Variants in RSBN1 observed in about 807,000 individuals in gnomAD.
The protein encoded by RSBN1 is round spermatid basic protein 1, also known as lysine-specific demethylase 9.
RSBN1 carries 23 observed loss-of-function variants against 74.8 expected under a neutral mutation model. The observed-to-expected ratio is 0.31, with a 90% CI of 0.22 to 0.44. The LOEUF is 0.44. RSBN1 is among the 20% of genes least tolerant of loss of function. The probability of loss-of-function intolerance (pLI) is 1.00; values close to 1 mark genes in which losing one functional copy is unlikely to be tolerated. For missense variants in RSBN1, 808 were observed against 1,020.9 expected (o/e 0.79, Z 2.84); for synonymous variants, 407 against 379.6 (o/e 1.07, Z -0.84).
intron 1 of RSBN1, among the ~76,000 whole-genome samples, chr1:113,807,722 T>C (rs1571313380): frequency 6.6e-6 from 1 of 150,950 alleles, no homozygotes; most frequent in East Asian, 1.9e-4. Context: ...GATTGCACCA[T>C]TGCTCTCCAG....
intron 2 of RSBN1, among the ~76,000 whole-genome samples, chr1:113,786,001 C>A (rs925466469): frequency 1.3e-5 from 2 of 152,034 alleles, no homozygotes; most frequent in Non-Finnish European, 2.9e-5. Flanking sequence ...CTCAGAGGGG[C>A]ACAAAAAGTA....
chr1:113,801,156 T>C (rs1032342737), intron 1 of RSBN1, among the ~76,000 whole-genome samples: 5 of 152,032 alleles, frequency 3.3e-5, no homozygotes, highest in Admixed American at 2.0e-4. Context: ...TAATTTTTTG[T>C]ATTTTTAGTA....
rs959946940 is a variant in RSBN1 at position 113,764,354 on chromosome 1, CAT to C, written c.*1624_*1625del. ...TCTTCATCCTTTGTAACAGAGAATA[CAT>C]ACATATACATATATATAAGGAATAA... On this transcript the variant is annotated 3_prime_UTR_variant, in exon 7 of 7. Coordinates refer to ENST00000261441, the MANE Select transcript of RSBN1 (RefSeq NM_018364.5). 5.9e-5 allele frequency: 9 copies of C among 152,706 alleles called. No homozygotes were observed. Among genetic ancestry groups the C allele is most frequent in the African/African-American group, 9.7e-5 (4 of 41,416 alleles). 9.5% of individuals were successfully genotyped at this position (152,706 alleles called of 1,614,324 possible).
At chr1:113,783,467 AAG>A (rs1491317454) in intron 2 of RSBN1, among the ~76,000 whole-genome samples, 4 of 151,938 alleles carry the variant, frequency 2.6e-5, no homozygotes, top group Non-Finnish European at 5.9e-5. Context: ...GAAAAAAAAA[AAG>A]AGAGAAAAAA....
intron 2 of RSBN1, among the ~76,000 whole-genome samples, chr1:113,791,427 A>G (rs1349297136): frequency 6.6e-6 from 1 of 150,704 alleles, no homozygotes; most frequent in Non-Finnish European, 1.5e-5. Flanking sequence ...TAGAGCTTCT[A>G]CAAAGGACAA....
intron 1 of RSBN1, among the ~76,000 whole-genome samples, chr1:113,798,496 A>G (rs1660516279): frequency 6.6e-6 from 1 of 152,242 alleles, no homozygotes; most frequent in South Asian, 2.1e-4. Context: ...AGGTAAATCA[A>G]CAAAGGCAAA....
chr1:113,796,875 C>G (rs1660483088), intron 2 of RSBN1, among the ~76,000 whole-genome samples: 1 of 152,226 alleles, frequency 6.6e-6, no homozygotes, highest in Admixed American at 6.5e-5. Flanking sequence ...CTATGGCGGT[C>G]TTCCTAATGA....
intron 1 of RSBN1, among the ~76,000 whole-genome samples, chr1:113,808,873 G>A (rs1231014511): frequency 6.6e-6 from 1 of 152,048 alleles, no homozygotes; most frequent in Non-Finnish European, 1.5e-5. Flanking sequence ...TTGTAGTGGT[G>A]GTTACACTAA....
intron 2 of RSBN1, among the ~76,000 whole-genome samples, chr1:113,783,904 C>T (rs753029798): frequency 3.3e-5 from 5 of 152,136 alleles, no homozygotes; most frequent in Non-Finnish European, 7.4e-5. Flanking sequence ...GCACATTGGT[C>T]CTCATTGTTA....
chr1:113,802,614 G>A lies in RSBN1; in HGVS notation c.704-4578C>T, dbSNP rs539586912. On this transcript the variant is annotated intron_variant, in intron 1 of 6. Transcript: ENST00000261441. ...CTCTATATTATGGTGTTTTAAGAGC[G>A]CTGTCTAGGTTTAAATCCCTGTTCT... Among the ~76,000 whole-genome samples the A allele has an allele frequency of 9.9e-5, 15 of 152,012 alleles. No homozygotes were observed. The South Asian group carries it at 1.2e-3, about 13-fold the overall frequency.
chr1:113,775,149 C>T lies in RSBN1; in HGVS notation c.1658+2061G>A, dbSNP rs554179694. Among the ~76,000 whole-genome samples the T allele has an allele frequency of 3.3e-5, 5 of 151,822 alleles. No individual in the cohort carries two copies. In the East Asian group the frequency reaches 9.8e-4, roughly 30 times the overall value. ...AAGCAATTCTCCTGCCTCAGCCTCC[C>T]GAGTAGCTGGGATAACAGGCGGCTG... On this transcript the variant is annotated intron_variant, in intron 4 of 6. Transcript: ENST00000261441.
chr1:113,784,489 C>T (rs1049382023), intron 2 of RSBN1, among the ~76,000 whole-genome samples: 2 of 152,136 alleles, frequency 1.3e-5, no homozygotes, highest in Admixed American at 6.5e-5. Flanking sequence ...AATTTTTCCA[C>T]GGAAAAGGGC....
At position 113,812,244 on chromosome 1, in the gene RSBN1, G is replaced by T. The variant is rs752742729; in HGVS notation, c.169C>A (p.Arg57Ser). The T allele has an allele frequency of 1.0e-5, 16 of 1,606,062 alleles. No individual in the cohort carries two copies. In the East Asian group the frequency reaches 3.3e-4, roughly 34 times the overall value. Residue 57 changes from arginine (R) to serine (S), a missense_variant, in exon 1 of 7, where the codon CGC becomes AGC. Coordinates refer to ENST00000261441, the MANE Select transcript of RSBN1 (RefSeq NM_018364.5). ...TGCGCCGCCACCGCCCGTACTACGC[G>T]CACCGCTCCGACCTGCGCAGCCATT... The part of the protein sequence containing the change: ...GEMAAQVGAV[R>S]VVRAVAAQEE...
intron 1 of RSBN1, among the ~76,000 whole-genome samples, chr1:113,805,676 C>G (rs1226233026): frequency 6.6e-6 from 1 of 152,184 alleles, no homozygotes; most frequent in Non-Finnish European, 1.5e-5. Context: ...AACAAGTTTA[C>G]CCTAGCATTT....
chr1:113,777,336 C>T lies in RSBN1; in HGVS notation c.1532G>A (p.Gly511Asp), dbSNP rs1369118178. 1 of 1,609,270 alleles carries T rather than the reference C, an allele frequency of 6.2e-7. No individual in the cohort carries two copies. Among genetic ancestry groups the T allele is most frequent in the East Asian group, 2.2e-5 (1 of 44,848 alleles). ...CTGGAGTCGGAGGCTAGAAAGTGTA[C>T]CCCAGGGCAAAGTCATCTAGAAATC... The part of the protein sequence containing the change: ...SPFLKMTLPW[G>D]TLSSLRLQCR... The change falls in exon 4 of 7, where the codon GGT becomes GAT. Residue 511 changes from glycine (G) to aspartate (D), a missense_variant. Transcript: ENST00000261441.
intron 1 of RSBN1, among the ~76,000 whole-genome samples, chr1:113,804,262 TAAGA>T (rs915510165): frequency 6.6e-6 from 1 of 152,090 alleles, no homozygotes; most frequent in Non-Finnish European, 1.5e-5. Flanking sequence ...GAGAAACACA[TAAGA>T]AAGATCTCTG....
At position 113,785,605 on chromosome 1, in the gene RSBN1, G is replaced by T. The variant is rs1660225552; in HGVS notation, c.1378-7797C>A. Among the ~76,000 whole-genome samples the T allele has an allele frequency of 2.0e-5, 3 of 152,152 alleles. No individual in the cohort carries two copies. In the South Asian group the frequency reaches 6.2e-4, roughly 32 times the overall value. ...CACTTGAAGCTTACAGTCTAGTAAG[G>T]AGAGGCAGACACTAATCTAAATAAA... On this transcript the variant is annotated intron_variant, in intron 2 of 6. Coordinates refer to ENST00000261441, the MANE Select transcript of RSBN1 (RefSeq NM_018364.5).
chr1:113,785,323 A>G (rs1660219636), intron 2 of RSBN1, among the ~76,000 whole-genome samples: 1 of 152,178 alleles, frequency 6.6e-6, no homozygotes, highest in African/African-American at 2.4e-5. Flanking sequence ...TTCTTCTGTA[A>G]TATCTCCTGA....
At chr1:113,791,264 TTC>T (rs748203373) in intron 2 of RSBN1, among the ~76,000 whole-genome samples, 8 of 152,204 alleles carry the variant, frequency 5.3e-5, no homozygotes, top group Non-Finnish European at 7.3e-5. Flanking sequence ...ATAAAATTTA[TTC>T]TCTTTATAAT....
Sources: gnomAD v4.1 joint callset for allele counts (sites outside exome capture counted in the v4.1 genomes callset) on GRCh38, gnomAD v4.1.1 for gene constraint, MANE v1.5 for transcripts, NCBI Gene and HGNC (gene_info 2026-07-23, HGNC 2026-07-21) for gene names.